Variants in CSMD2 observed in about 807,000 individuals in gnomAD.
The protein encoded by CSMD2 is CUB and sushi domain-containing protein 2.
CSMD2 carries 130 observed loss-of-function variants against 398.5 expected under a neutral mutation model. The ratio of observed to expected loss-of-function variants is 0.33; its 90% CI spans 0.28 to 0.38. CSMD2 has a LOEUF of 0.38. CSMD2 is among the 10% of genes least tolerant of loss of function. The probability of loss-of-function intolerance (pLI) is 1.00; values close to 1 mark genes in which losing one functional copy is unlikely to be tolerated. For synonymous variants in CSMD2, 1,828 were observed against 1,908.5 expected (o/e 0.96, Z 1.10); for missense variants, 3,829 against 4,764.9 (o/e 0.80, Z 5.78).
intron 11 of CSMD2, 53 bp from the exon 12 acceptor site, chr1:33,788,765 G>C: frequency 8.8e-7 from 1 of 1,142,200 alleles, no homozygotes. Context: ...CACCCGAATA[G>C]AATGATTGCC....
At chr1:33,538,152 A>G (rs1338648572) in intron 60 of CSMD2, among the ~76,000 whole-genome samples, 1 of 152,204 alleles carries the variant, frequency 6.6e-6, no homozygotes, top group African/African-American at 2.4e-5. Context: ...ATACAGTTAT[A>G]TATAACTCTT....
intron 19 of CSMD2, among the ~76,000 whole-genome samples, chr1:33,717,286 G>A (rs886997136): frequency 6.6e-6 from 1 of 152,058 alleles, no homozygotes; most frequent in African/African-American, 2.4e-5. Context: ...AGATGTTGGT[G>A]GCTGTAAGGA....
chr1:33,788,631 G>A lies in CSMD2; in HGVS notation c.1632C>T (p.Gly544=), dbSNP rs760551804. The change falls in exon 12 of 71, where the codon GGC becomes GGT. Residue 544 remains glycine (G), a synonymous_variant. Transcript: ENST00000373381. The stretch of plus-strand genomic sequence containing the variant: ...AAGAAGCCTTGAATCCCAGGGAACT[G>A]CCACTGCCATCAGTCTGGAAGAGGA... ...MWLLFQTDGS[G]SSLGFKASYE... 5.0e-6 allele frequency: 8 copies of A among 1,612,854 alleles called. No homozygotes were observed. Among genetic ancestry groups the A allele is most frequent in the African/African-American group, 1.3e-5 (1 of 74,996 alleles).
intron 2 of CSMD2, among the ~76,000 whole-genome samples, chr1:34,034,647 T>C (rs1298505242): frequency 6.6e-6 from 1 of 152,242 alleles, no homozygotes; most frequent in African/African-American, 2.4e-5. Flanking sequence ...TAAGCTAACA[T>C]TCTTTCTTTA....
intron 46 of CSMD2, among the ~76,000 whole-genome samples, chr1:33,586,105 T>C (rs1372883141): frequency 1.3e-5 from 2 of 152,200 alleles, no homozygotes; most frequent in East Asian, 1.9e-4. Context: ...CTCAGTTGCC[T>C]GGTTTGGCAC....
chr1:33,820,645 G>A, intron 7 of CSMD2, 89 bp from the exon 8 acceptor site: 1 of 874,282 alleles, frequency 1.1e-6, no homozygotes, highest in Non-Finnish European at 1.8e-6. Context: ...AATGTCTCAG[G>A]GTGGGAGGTG....
chr1:33,547,698 A>G (rs895775403), intron 56 of CSMD2, among the ~76,000 whole-genome samples: 6 of 152,242 alleles, frequency 3.9e-5, no homozygotes, highest in African/African-American at 1.4e-4. Flanking sequence ...AAGAGAGCTT[A>G]TCGCATTTGG....
chr1:34,113,554 C>T (rs1000004851), intron 1 of CSMD2, among the ~76,000 whole-genome samples: 1 of 152,142 alleles, frequency 6.6e-6, no homozygotes, highest in African/African-American at 2.4e-5. Flanking sequence ...CTGGCGCCCC[C>T]TCATGGCCCT....
At chr1:34,052,849 C>T (rs1030725700) in intron 2 of CSMD2, among the ~76,000 whole-genome samples, 4 of 152,022 alleles carry the variant, frequency 2.6e-5, no homozygotes, top group African/African-American at 9.7e-5. Flanking sequence ...GCAGCAAGCG[C>T]TTTTGAGGGG....
intron 1 of CSMD2, among the ~76,000 whole-genome samples, chr1:34,105,931 TAGG>T (rs1281711474): frequency 6.6e-6 from 1 of 152,198 alleles, no homozygotes; most frequent in East Asian, 1.9e-4. Context: ...GCTGTTTCAG[TAGG>T]AGATTAGTGA....
In CSMD2 at chr1:33,709,096, A is replaced by T; in HGVS notation, c.3569T>A (p.Val1190Asp). 6.2e-7 allele frequency: 1 copy of T among 1,611,898 alleles called. No homozygotes were observed. Among genetic ancestry groups the T allele is most frequent in the Non-Finnish European group, 8.5e-7 (1 of 1,179,046 alleles). The change falls in exon 22 of 71, where the codon GTC becomes GAC. Residue 1190 changes from valine to aspartate, a missense_variant. Val to Asp is a radical substitution (Grantham distance 152, BLOSUM62 -3). This residue lies in a region of CSMD2 where 2,001 missense variants were observed against 2,567.1 expected (regional missense o/e 0.78). Transcript: ENST00000373381. ...ARAFELSEGD[V>D]LKVYDGNNNS... ...GAAATCGATCAATTTTACCTTGAGG[A>T]CATCTCCTTCGGAGAGTTCGAATGC...
At chr1:33,556,383 G>A (rs1657976519) in intron 55 of CSMD2, among the ~76,000 whole-genome samples, 3 of 152,142 alleles carry the variant, frequency 2.0e-5, no homozygotes, top group South Asian at 4.1e-4. Context: ...CTACAGCCAC[G>A]AGGGCGTAAA....
In CSMD2 at chr1:33,807,661, G is replaced by C. The variant is rs144109608; in HGVS notation, c.1446+3082C>G. The stretch of plus-strand genomic sequence containing the variant: ...CACACCATAGAGTATGAATTGGAAG[G>C]AATGATTAAAGTCATAGTGTCCTAA... On this transcript the variant is annotated intron_variant, in intron 10 of 70. Transcript: ENST00000373381. Among the ~76,000 whole-genome samples the C allele has an allele frequency of 1.6e-4, 25 of 152,258 alleles. No homozygotes were observed. The East Asian group carries it at 3.9e-3, about 24-fold the overall frequency.
At chr1:34,165,407 G>T, upstream of CSMD2, 1 of 886,498 alleles carries the variant, frequency 1.1e-6, no homozygotes, top group Non-Finnish European at 1.5e-6. Flanking sequence ...GCGCAGCTAA[G>T]GATAAAATAT....
intron 45 of CSMD2, among the ~76,000 whole-genome samples, 200 bp from the exon 46 acceptor site, chr1:33,586,817 T>G (rs1189866517): frequency 3.3e-5 from 5 of 152,220 alleles, no homozygotes; most frequent in Non-Finnish European, 7.3e-5. Context: ...TGTTTCATAT[T>G]CCAGGACATT....
At chr1:33,872,900 C>T (rs982094210) in intron 5 of CSMD2, among the ~76,000 whole-genome samples, 20 of 152,284 alleles carry the variant, frequency 1.3e-4, no homozygotes, top group African/African-American at 4.6e-4. Flanking sequence ...GGCTTTGAAA[C>T]CTAACCAAGA....
rs373719288 is a variant in CSMD2, at chr1:33,901,229, C to T, written c.920+16865G>A. On this transcript the variant is annotated intron_variant, in intron 5 of 70. Coordinates refer to ENST00000373381, the MANE Select transcript of CSMD2 (RefSeq NM_001281956.2). ...CTGTTTATTTATCTTGACATTGGTCCTGTTGCCAAAGGGCTCTGACACCAG... is the reference window on the plus strand; with the variant it reads ...CTGTTTATTTATCTTGACATTGGTCTTGTTGCCAAAGGGCTCTGACACCAG... 1.2e-4 allele frequency among the ~76,000 whole-genome samples: 18 copies of T among 152,328 alleles called. No homozygotes were observed. The East Asian group carries it at 1.7e-3, about 15-fold the overall frequency.
chr1:33,712,161 G>A (rs566106150), intron 21 of CSMD2, among the ~76,000 whole-genome samples: 1 of 152,332 alleles, frequency 6.6e-6, no homozygotes, highest in African/African-American at 2.4e-5. Context: ...TTATCCATCA[G>A]CCTGGGGCTT....
At position 33,541,158 on chromosome 1, in the gene CSMD2, T is replaced by C. The variant is rs747247571; in HGVS notation, c.9429A>G (p.Thr3143=). 10 of 1,614,158 alleles carry C rather than the reference T, an allele frequency of 6.2e-6. No individual in the cohort carries two copies. The highest frequency in any genetic ancestry group is 2.2e-5 in the East Asian group (1 of 44,876). ...VSVLSCTKDR[T]WNGTKPVCKA... ...TGCAGACGGGCTTGGTTCCATTCCATGTCCGGTCCTTGGTGCAGCTCAGCA... is the reference window on the plus strand; with the variant it reads ...TGCAGACGGGCTTGGTTCCATTCCACGTCCGGTCCTTGGTGCAGCTCAGCA... The change falls in exon 59 of 71, where the codon ACA becomes ACG. Residue 3143 remains threonine, a synonymous_variant. Coordinates refer to ENST00000373381, the MANE Select transcript of CSMD2 (RefSeq NM_001281956.2).
Sources: gnomAD v4.1 joint callset for allele counts (sites outside exome capture counted in the v4.1 genomes callset) on GRCh38, gnomAD v4.1.1 for gene constraint, gnomAD v4.1.1 regional missense constraint, MANE v1.5 for transcripts, NCBI Gene and HGNC (gene_info 2026-07-23, HGNC 2026-07-21) for gene names.